The following EYS variants were observed in gnomAD, a reference collection of about 807,000 sequenced individuals.
EYS encodes protein eyes shut homolog.
Under a neutral mutation model 282.1 loss-of-function variants are expected in EYS, and 250 were observed. The observed-to-expected ratio is 0.89, with a 90% CI of 0.80 to 0.98. EYS has a LOEUF of 0.98. EYS is among the 50% of genes least tolerant of loss of function. The pLI is 0.00. For missense variants in EYS, 4,016 were observed against 3,709.0 expected (o/e 1.08, Z -2.15); for synonymous variants, 1,355 against 1,282.9 (o/e 1.06, Z -1.20).
At chr6:64,104,358 G>C (rs1262988063) in intron 31 of EYS, among the ~76,000 whole-genome samples, 1 of 152,082 alleles carries the variant, frequency 6.6e-6, no homozygotes, top group Non-Finnish European at 1.5e-5. Context: ...GAAGGAGAGA[G>C]AGAGTGAGTG....
intron 19 of EYS, among the ~76,000 whole-genome samples, chr6:64,858,992 C>T (rs1419485308): frequency 6.6e-6 from 1 of 151,740 alleles, no homozygotes; most frequent in Non-Finnish European, 1.5e-5. Context: ...AGCAATTAGG[C>T]AAAAGAAAGA....
intron 14 of EYS, among the ~76,000 whole-genome samples, chr6:64,978,441 C>A (rs1334551406): frequency 1.3e-5 from 2 of 151,858 alleles, no homozygotes; most frequent in African/African-American, 4.8e-5. Context: ...TGTGCTTTGA[C>A]AATATAGATG....
At chr6:65,017,741 A>C (rs1177619282) in intron 13 of EYS, among the ~76,000 whole-genome samples, 1 of 152,216 alleles carries the variant, frequency 6.6e-6, no homozygotes, top group Non-Finnish European at 1.5e-5. Flanking sequence ...TAAACCACAA[A>C]ATGGCTAACA....
chr6:64,168,756 G>C (rs997153286), intron 31 of EYS, among the ~76,000 whole-genome samples: 2 of 152,292 alleles, frequency 1.3e-5, no homozygotes, highest in Admixed American at 6.5e-5. Flanking sequence ...ACAATGGGGA[G>C]TGAATGCAAA....
intron 35 of EYS, among the ~76,000 whole-genome samples, chr6:63,977,472 T>C (rs908555217): frequency 6.6e-6 from 1 of 151,984 alleles, no homozygotes; most frequent in African/African-American, 2.4e-5. Context: ...TGTGAGAAAT[T>C]ATTGCAATTC....
At chr6:64,901,304 A>ATATATATATG (rs1767654991) in intron 18 of EYS, among the ~76,000 whole-genome samples, 1 of 148,320 alleles carries the variant, frequency 6.7e-6, no homozygotes, top group African/African-American at 2.5e-5. Flanking sequence ...GTATATATAT[A>ATATATATATG]TATATATATA....
rs182930092 is a variant in EYS at position 64,520,319 on chromosome 6, T to C, written c.5644+69904A>G. ...TCACAAATGAGTCAGAAACACACTTTAGAGTTATGTCTGTAAAGTAAGACT... is the reference window on the plus strand; with the variant it reads ...TCACAAATGAGTCAGAAACACACTTCAGAGTTATGTCTGTAAAGTAAGACT... On this transcript the variant is annotated intron_variant, in intron 26 of 42. Coordinates refer to ENST00000503581, the MANE Select transcript of EYS (RefSeq NM_001142800.2). 4.6e-3 allele frequency among the ~76,000 whole-genome samples: 705 copies of C among 151,698 alleles called. 4 individuals are homozygous for C. The highest frequency in any genetic ancestry group is 0.016 in the African/African-American group (672 of 41,270).
At chr6:65,685,125 T>TA (rs1768971142) in intron 1 of EYS, among the ~76,000 whole-genome samples, 1 of 152,048 alleles carries the variant, frequency 6.6e-6, no homozygotes, top group African/African-American at 2.4e-5. Flanking sequence ...TGTTTTCACA[T>TA]GGGTCACTCT....
intron 22 of EYS, among the ~76,000 whole-genome samples, chr6:64,632,489 A>G (rs935519238): frequency 6.6e-6 from 1 of 151,998 alleles, no homozygotes; most frequent in Non-Finnish European, 1.5e-5. Flanking sequence ...TTGTTTTTAC[A>G]TAAGAAACTA....
chr6:63,899,821 G>A (rs1277507799), intron 35 of EYS, among the ~76,000 whole-genome samples: 1 of 152,198 alleles, frequency 6.6e-6, no homozygotes, highest in Admixed American at 6.5e-5. Context: ...TTATAGCAGA[G>A]TGTTTTGCCC....
intron 31 of EYS, among the ~76,000 whole-genome samples, chr6:64,168,616 A>G (rs1320239360): frequency 6.6e-6 from 1 of 152,236 alleles, no homozygotes; most frequent in Non-Finnish European, 1.5e-5. Context: ...AAAAAACATT[A>G]TGCTAAGTAA....
chr6:64,410,210 C>T (rs1014581381), intron 28 of EYS, among the ~76,000 whole-genome samples: 4 of 152,054 alleles, frequency 2.6e-5, no homozygotes, highest in Non-Finnish European at 5.9e-5. Flanking sequence ...TCTTTGCATC[C>T]AACAGTCAGA....
chr6:65,531,369 A>G (rs1767762648), intron 2 of EYS, among the ~76,000 whole-genome samples: 1 of 152,192 alleles, frequency 6.6e-6, no homozygotes, highest in African/African-American at 2.4e-5. Flanking sequence ...CAATAACTGA[A>G]TGAATACATG....
At chr6:65,596,776 C>T (rs77306013) in intron 2 of EYS, among the ~76,000 whole-genome samples, 1 of 151,890 alleles carries the variant, frequency 6.6e-6, no homozygotes, top group Non-Finnish European at 1.5e-5. Context: ...ATATTCATTA[C>T]AATTATAAAA....
chr6:65,176,546 A>C lies in EYS; in HGVS notation c.2024-118819T>G, dbSNP rs538629553. 2.0e-5 allele frequency among the ~76,000 whole-genome samples: 3 copies of C among 151,822 alleles called. No homozygotes were observed. In the East Asian group the frequency reaches 5.9e-4, roughly 30 times the overall value. On this transcript the variant is annotated intron_variant, in intron 12 of 42. Coordinates refer to ENST00000503581, the MANE Select transcript of EYS (RefSeq NM_001142800.2). ...AACTATATTGAAATAATAACTTTCT[A>C]TATACTTTTCACTTAAATCAAAGGC...
At chr6:64,631,858 A>T (rs553519489) in intron 22 of EYS, among the ~76,000 whole-genome samples, 1 of 152,158 alleles carries the variant, frequency 6.6e-6, no homozygotes, top group African/African-American at 2.4e-5. Flanking sequence ...ATTTTTTGAG[A>T]TGGATAATAT....
Position 64,637,351 on chromosome 6 carries a change from A to AG in EYS, c.3444-11107_3444-11106insC, listed in dbSNP as rs1768018960. ...AGCAAACTATCGCAAGGACAAAAAAACAAACACCACATGTTCTCACTCATA... is the reference window on the plus strand; with the variant it reads ...AGCAAACTATCGCAAGGACAAAAAAAGCAAACACCACATGTTCTCACTCATA... On this transcript the variant is annotated intron_variant, in intron 22 of 42. Coordinates refer to ENST00000503581, the MANE Select transcript of EYS (RefSeq NM_001142800.2). Among the ~76,000 whole-genome samples, 2 of 86,260 alleles carry AG rather than the reference A, an allele frequency of 2.3e-5. 1 individual carries two copies. Among genetic ancestry groups the AG allele is most frequent in the Non-Finnish European group, 4.9e-5 (2 of 40,666 alleles). 56.6% of individuals were successfully genotyped at this position (86,260 alleles called of 152,430 possible).
rs537059972 is a variant in EYS, at chr6:64,360,984, T to G, written c.6078+27706A>C. On this transcript the variant is annotated intron_variant, in intron 29 of 42. Coordinates refer to ENST00000503581, the MANE Select transcript of EYS (RefSeq NM_001142800.2). ...CTTTTGCAGCAAAGGGACCCAGAAG[T>G]GTTTTTCCTTGAAAACCTGAGGAAA... Among the ~76,000 whole-genome samples, 4 of 151,766 alleles carry G rather than the reference T, an allele frequency of 2.6e-5. No individual in the cohort carries two copies. In the East Asian group the frequency reaches 7.8e-4, roughly 30 times the overall value.
At chr6:65,611,918 A>G (rs1186485848) in intron 2 of EYS, among the ~76,000 whole-genome samples, 1 of 152,058 alleles carries the variant, frequency 6.6e-6, no homozygotes, top group African/African-American at 2.4e-5. Flanking sequence ...AATAAAGTCT[A>G]AAGTGCAAAG....
Sources: allele counts gnomAD v4.1 joint callset (sites outside exome capture counted in the v4.1 genomes callset), GRCh38; gene constraint gnomAD v4.1.1; transcripts MANE v1.5; gene names NCBI Gene and HGNC (gene_info 2026-07-23, HGNC 2026-07-21).